The following NEK7 variants were observed in gnomAD, a reference collection of about 807,000 sequenced individuals.
NEK7 encodes NIMA related kinase 7, also known as serine/threonine-protein kinase Nek7.
NEK7 carries 18 observed loss-of-function variants against 44.6 expected under a neutral mutation model. That is an observed-to-expected ratio of 0.40 (90% CI 0.28 to 0.60). NEK7 has a LOEUF of 0.60. Ranked by LOEUF, NEK7 falls within the 20% of genes least tolerant of loss-of-function variation. The pLI, the probability that NEK7 is intolerant of heterozygous loss-of-function variation, is 0.38. For missense variants in NEK7, 256 were observed against 366.5 expected, an observed-to-expected ratio of 0.70 and a Z score of 2.46; for synonymous variants, 130 against 121.1, an observed-to-expected ratio of 1.07 and a Z score of -0.48.
At position 198,310,890 on chromosome 1, in the gene NEK7, C is replaced by A. The variant is rs1020116900; in HGVS notation, c.799-8522C>A. Among the ~76,000 whole-genome samples the A allele has an allele frequency of 1.2e-4, 18 of 150,840 alleles. 1 individual carries two copies. The stretch of plus-strand genomic sequence containing the variant: ...GTAGTGTGATGCCTCCAGCTTTGTT[C>A]TTTTCGCTTAGGATTGACTTGGCGA... On this transcript the variant is annotated intron_variant, in intron 9 of 9. Coordinates refer to ENST00000367385, the MANE Select transcript of NEK7 (RefSeq NM_133494.3).
rs1655535971 is a variant in NEK7 at position 198,321,571 on chromosome 1, T to C, written c.*2049T>C. The stretch of plus-strand genomic sequence containing the variant: ...ACTTTTAAGTAAAGATTAAAGCTTT[T>C]CTTCTCAGTGAATATATCTGCTAGA... On this transcript the variant is annotated 3_prime_UTR_variant, in exon 10 of 10. Transcript: ENST00000367385. 1 of 152,170 alleles carries C rather than the reference T, an allele frequency of 6.6e-6. No homozygotes were observed. Among genetic ancestry groups the C allele is most frequent in the Non-Finnish European group, 1.5e-5 (1 of 67,994 alleles). The allele number at this position is 152,170 out of a possible 1,614,324, so 9.4% of individuals were successfully genotyped here.
chr1:198,286,158 T>C (rs1217695332), intron 7 of NEK7, among the ~76,000 whole-genome samples: 1 of 152,218 alleles, frequency 6.6e-6, no homozygotes, highest in Non-Finnish European at 1.5e-5. Flanking sequence ...CAAATACTCA[T>C]ATGGACTAAG....
intron 2 of NEK7, among the ~76,000 whole-genome samples, chr1:198,248,153 C>T (rs1418008077): frequency 1.3e-5 from 2 of 151,986 alleles, no homozygotes; most frequent in East Asian, 3.9e-4. Flanking sequence ...TCAGGCATGC[C>T]TAGCCGAAAA....
intron 7 of NEK7, among the ~76,000 whole-genome samples, chr1:198,285,819 T>C (rs1327900027): frequency 6.6e-6 from 1 of 152,086 alleles, no homozygotes; most frequent in African/African-American, 2.4e-5. Flanking sequence ...AAATACTGCT[T>C]GTATCCTTTT....
chr1:198,318,073 A>G (rs1655429297), intron 9 of NEK7, among the ~76,000 whole-genome samples: 1 of 152,138 alleles, frequency 6.6e-6, no homozygotes, highest in Non-Finnish European at 1.5e-5. Flanking sequence ...TAACATTACT[A>G]TGAAACATTG....
chr1:198,314,021 A>G (rs1423955667), intron 9 of NEK7, among the ~76,000 whole-genome samples: 1 of 151,690 alleles, frequency 6.6e-6, no homozygotes, highest in Non-Finnish European at 1.5e-5. Flanking sequence ...AATATCCTGC[A>G]GAGTGTTTTC....
intron 2 of NEK7, among the ~76,000 whole-genome samples, chr1:198,239,389 G>A (rs1208293342): frequency 1.3e-5 from 2 of 152,008 alleles, no homozygotes; most frequent in Non-Finnish European, 2.9e-5. Flanking sequence ...CTCCAAGGTG[G>A]TAATGTGATG....
At position 198,258,167 on chromosome 1, in the gene NEK7, C is replaced by T. The variant is rs547363851; in HGVS notation, c.199-4408C>T. Among the ~76,000 whole-genome samples the T allele has an allele frequency of 9.7e-4, 148 of 152,258 alleles. 2 individuals are homozygous for T. Among genetic ancestry groups the T allele is most frequent in the Non-Finnish European group, 1.7e-3 (116 of 68,018 alleles). ...AAGGTTCCAGCTGTAGAGCCGGGCA[C>T]GGTGACTCAACGCCTGTAATCCCAG... On this transcript the variant is annotated intron_variant, in intron 3 of 9. Transcript: ENST00000367385.
intron 1 of NEK7, among the ~76,000 whole-genome samples, chr1:198,194,762 G>C (rs1451704131): frequency 2.0e-5 from 3 of 152,144 alleles, no homozygotes; most frequent in Non-Finnish European, 4.4e-5. Flanking sequence ...GTTGTGAATA[G>C]TGCTGCAGTG....
intron 1 of NEK7, chr1:198,221,218 CTATT>C (rs1404670636): frequency 6.6e-6 from 1 of 151,860 alleles, no homozygotes; most frequent in South Asian, 2.1e-4. Context: ...AAGAGGAAGT[CTATT>C]TAAATAATCT....
intron 1 of NEK7, among the ~76,000 whole-genome samples, chr1:198,160,010 CT>C (rs5779905): frequency 6.6e-5 from 10 of 151,648 alleles, no homozygotes; most frequent in African/African-American, 1.2e-4. Flanking sequence ...TTTAAGTATT[CT>C]TTTTTTTTCC....
intron 9 of NEK7, among the ~76,000 whole-genome samples, chr1:198,306,963 T>G (rs1281527936): frequency 2.0e-5 from 3 of 152,150 alleles, no homozygotes; most frequent in Non-Finnish European, 4.4e-5. Context: ...CAACCCACTT[T>G]TCTTTAAAAA....
At chr1:198,241,061 A>G (rs1403282809) in intron 2 of NEK7, among the ~76,000 whole-genome samples, 1 of 152,206 alleles carries the variant, frequency 6.6e-6, no homozygotes, top group African/African-American at 2.4e-5. Flanking sequence ...AGTTTCAGAC[A>G]TGTTTTCAGT....
At chr1:198,190,378 C>T (rs1665039481) in intron 1 of NEK7, among the ~76,000 whole-genome samples, 1 of 151,990 alleles carries the variant, frequency 6.6e-6, no homozygotes, top group Non-Finnish European at 1.5e-5. Context: ...CCTAAACTGG[C>T]AGAGAGGTGG....
intron 7 of NEK7, among the ~76,000 whole-genome samples, chr1:198,284,476 A>G (rs750950357): frequency 1.6e-4 from 24 of 152,302 alleles, no homozygotes; most frequent in Non-Finnish European, 2.6e-4. Flanking sequence ...GGATATCAAA[A>G]TCTGTCTTCA....
At chr1:198,284,823 TC>T (rs1195664553) in intron 7 of NEK7, among the ~76,000 whole-genome samples, 1 of 152,142 alleles carries the variant, frequency 6.6e-6, no homozygotes, top group African/African-American at 2.4e-5. Context: ...ATATCAAACT[TC>T]CCTTATTTCC....
chr1:198,265,863 C>T (rs1477713338), intron 5 of NEK7, among the ~76,000 whole-genome samples: 2 of 152,004 alleles, frequency 1.3e-5, no homozygotes, highest in Admixed American at 6.6e-5. Context: ...TGTGTACATA[C>T]ATTAGTACAT....
chr1:198,205,208 C>G (rs1398511456), intron 1 of NEK7, among the ~76,000 whole-genome samples: 1 of 152,098 alleles, frequency 6.6e-6, no homozygotes, highest in African/African-American at 2.4e-5. Context: ...TTAGTGGGGC[C>G]AAAAACAGCG....
At chr1:198,273,291 T>C (rs1009205161) in intron 5 of NEK7, among the ~76,000 whole-genome samples, 2 of 151,712 alleles carry the variant, frequency 1.3e-5, no homozygotes, top group East Asian at 1.9e-4. Context: ...AAAGAGAAAA[T>C]ACTTATGCAC....
Sources: allele counts gnomAD v4.1 joint callset (sites outside exome capture counted in the v4.1 genomes callset), GRCh38; gene constraint gnomAD v4.1.1; transcripts MANE v1.5; gene names NCBI Gene and HGNC (gene_info 2026-07-23, HGNC 2026-07-21).